Variants in AP1S3 observed in about 807,000 individuals in gnomAD.
The protein encoded by AP1S3 is AP-1 complex subunit sigma-3.
A neutral mutation model predicts 20.9 loss-of-function variants in AP1S3; 10 were observed. The ratio of observed to expected loss-of-function variants is 0.48; its 90% CI spans 0.29 to 0.81. The LOEUF (loss-of-function observed/expected upper bound fraction) is 0.81, where lower values mean the gene tolerates loss of function less well. AP1S3 is among the 30% of genes least tolerant of loss of function. The pLI is 0.08. For missense variants in AP1S3, 154 were observed against 183.8 expected, an observed-to-expected ratio of 0.84 and a Z score of 0.94; for synonymous variants, 41 against 61.5, an observed-to-expected ratio of 0.67 and a Z score of 1.56.
Position 223,758,107 on chromosome 2 carries a change from T to C in AP1S3, c.*608A>G, listed in dbSNP as rs1168656773. ...TAAGGCATCAAAAACACTTATTAAG[T>C]TCTATACTCTTTGGTTATTTTCATA... On this transcript the variant is annotated 3_prime_UTR_variant, in exon 5 of 5. Transcript: ENST00000396654. 1.0e-6 allele frequency: 1 copy of C among 983,686 alleles called. No homozygotes were observed. Among genetic ancestry groups the C allele is most frequent in the East Asian group, 1.1e-4 (1 of 8,802 alleles). 60.9% of individuals were successfully genotyped at this position (983,686 alleles called of 1,614,324 possible).
intron 1 of AP1S3, among the ~76,000 whole-genome samples, chr2:223,787,996 A>G (rs6436433): frequency 0.12 from 17,967 of 151,976 alleles, 1,358 homozygotes; most frequent in East Asian, 0.25. Context: ...TCACTCTGTC[A>G]TCCAGGCTGG....
Position 223,756,598 on chromosome 2 carries a change from T to C in AP1S3, c.*2117A>G. On this transcript the variant is annotated 3_prime_UTR_variant, in exon 5 of 5. Coordinates refer to ENST00000396654, the MANE Select transcript of AP1S3 (RefSeq NM_001039569.2). ...GATAAACTTCAAGCTGATGCCATAA[T>C]TGTAATTACATGGTAACCTGAAGAA... is the stretch of plus-strand genomic sequence containing the variant. 3 of 985,390 alleles carry C rather than the reference T, an allele frequency of 3.0e-6. No individual in the cohort carries two copies. The highest frequency in any genetic ancestry group is 3.6e-6 in the Non-Finnish European group (3 of 829,886). The allele number at this position is 985,390 out of a possible 1,614,324, so 61.0% of individuals were successfully genotyped here.
intron 1 of AP1S3, among the ~76,000 whole-genome samples, chr2:223,812,286 A>G (rs1384518721): frequency 1.3e-5 from 2 of 152,130 alleles, no homozygotes; most frequent in African/African-American, 4.8e-5. Context: ...CAGTGGTGCA[A>G]TCTCAGCTCA....
In AP1S3 at chr2:223,832,115, T is replaced by G; in HGVS notation, c.3+5333A>C. 3.4e-5 allele frequency among the ~76,000 whole-genome samples: 5 copies of G among 147,502 alleles called. 1 individual carries two copies. Among genetic ancestry groups the G allele is most frequent in the South Asian group, 4.3e-4 (2 of 4,628 alleles). On this transcript the variant is annotated intron_variant, in intron 1 of 4. Transcript: ENST00000396654. ...TCAAAAAAAGGACTTATTCTGGGGA[T>G]TATTAAAGGAGTTTTCTCTCTGTGT...
At chr2:223,789,372 C>T (rs1301369687) in intron 1 of AP1S3, among the ~76,000 whole-genome samples, 3 of 151,870 alleles carry the variant, frequency 2.0e-5, no homozygotes, top group Non-Finnish European at 4.4e-5. Context: ...AACTGGACCC[C>T]CCCCAAAAAA....
At chr2:223,798,496 T>A (rs535077873) in intron 1 of AP1S3, among the ~76,000 whole-genome samples, 1 of 152,364 alleles carries the variant, frequency 6.6e-6, no homozygotes, top group East Asian at 1.9e-4. Flanking sequence ...ACAAGTAACC[T>A]GCAGAATAAA....
In AP1S3 at chr2:223,773,396, T is replaced by C. The variant is rs940264342; in HGVS notation, c.291+2505A>G. 1.5e-5 allele frequency: 20 copies of C among 1,296,824 alleles called. No homozygotes were observed. In the African/African-American group the frequency reaches 2.9e-4, roughly 19 times the overall value. The allele number at this position is 1,296,824 out of a possible 1,614,324, so 80.3% of individuals were successfully genotyped here. A position where few individuals can be genotyped will look rare whatever the true frequency, so the allele number is the denominator to read the frequency against. On this transcript the variant is annotated intron_variant, in intron 3 of 4. Coordinates refer to ENST00000396654, the MANE Select transcript of AP1S3 (RefSeq NM_001039569.2). The stretch of plus-strand genomic sequence containing the variant: ...AAAGTACAAAAATGTGAGAATTCAT[T>C]TGAATAGTAGAAAGTATTAAATAAT...
At chr2:223,762,672 C>T (rs753365139) in intron 4 of AP1S3, among the ~76,000 whole-genome samples, 12 of 152,172 alleles carry the variant, frequency 7.9e-5, no homozygotes, top group Admixed American at 2.0e-4. Context: ...CCTTTCTTTT[C>T]CTCTTATCAA....
At chr2:223,801,379 C>T (rs1047231753) in intron 1 of AP1S3, among the ~76,000 whole-genome samples, 5 of 152,212 alleles carry the variant, frequency 3.3e-5, no homozygotes, top group African/African-American at 9.6e-5. Flanking sequence ...AAGAGATATA[C>T]GCTGGCACCA....
At chr2:223,836,759 A>C (rs573256719) in intron 1 of AP1S3, among the ~76,000 whole-genome samples, 1 of 152,290 alleles carries the variant, frequency 6.6e-6, no homozygotes, top group South Asian at 2.1e-4. Context: ...GGGTAAGGTC[A>C]GTTTTCTTGC....
At chr2:223,800,564 C>T (rs891786632) in intron 1 of AP1S3, among the ~76,000 whole-genome samples, 3 of 151,852 alleles carry the variant, frequency 2.0e-5, no homozygotes, top group African/African-American at 7.3e-5. Flanking sequence ...ATTTATCACA[C>T]CAACAGGCTA....
chr2:223,788,808 A>T lies in AP1S3; in HGVS notation c.4-10939T>A, dbSNP rs147006433. Reference sequence around the variant, plus strand: ...AAGAAGAAGAAGAAGAGATATTTGCAGATGCCTGCCACCCTCCTGGATCCT... The same window carrying T: ...AAGAAGAAGAAGAAGAGATATTTGCTGATGCCTGCCACCCTCCTGGATCCT... On this transcript the variant is annotated intron_variant, in intron 1 of 4. Transcript: ENST00000396654. Among the ~76,000 whole-genome samples the T allele has an allele frequency of 9.2e-5, 14 of 151,854 alleles. No individual in the cohort carries two copies. The East Asian group carries it at 2.7e-3, about 29-fold the overall frequency.
intron 1 of AP1S3, among the ~76,000 whole-genome samples, chr2:223,810,739 CA>C (rs55748427): frequency 0.66 from 99,062 of 150,682 alleles, 34,496 homozygotes; most frequent in African/African-American, 0.91. Context: ...TGTCCCACTT[CA>C]AAAAAAAAAT....
At chr2:223,791,881 T>C (rs1036032738) in intron 1 of AP1S3, among the ~76,000 whole-genome samples, 1 of 151,966 alleles carries the variant, frequency 6.6e-6, no homozygotes, top group Non-Finnish European at 1.5e-5. Context: ...CTGTTGTTGG[T>C]GAACAACAGG....
At chr2:223,833,227 C>T (rs759523696) in intron 1 of AP1S3, among the ~76,000 whole-genome samples, 1 of 136,700 alleles carries the variant, frequency 7.3e-6, no homozygotes, top group African/African-American at 2.9e-5. Flanking sequence ...CCACAGCTAT[C>T]TTGTTAAAGG....
At chr2:223,807,875 T>TC (rs1691623986) in intron 1 of AP1S3, among the ~76,000 whole-genome samples, 1 of 126,040 alleles carries the variant, frequency 7.9e-6, no homozygotes, top group African/African-American at 3.1e-5. Flanking sequence ...TTCTTTTTTT[T>TC]TTTTTTTTTT....
chr2:223,825,207 T>G (rs570715049), intron 1 of AP1S3, among the ~76,000 whole-genome samples: 53 of 151,368 alleles, frequency 3.5e-4, no homozygotes, highest in Non-Finnish European at 6.0e-4. Flanking sequence ...CAGCTACTCC[T>G]GAGGCTGAGA....
intron 1 of AP1S3, among the ~76,000 whole-genome samples, chr2:223,834,708 G>A (rs1342747322): frequency 6.6e-6 from 1 of 151,916 alleles, no homozygotes; most frequent in East Asian, 1.9e-4. Flanking sequence ...TGTGAGCTGT[G>A]ATCACACCAC....
At chr2:223,796,897 C>T (rs1691350620) in intron 1 of AP1S3, among the ~76,000 whole-genome samples, 1 of 152,210 alleles carries the variant, frequency 6.6e-6, no homozygotes, top group East Asian at 1.9e-4. Context: ...CTCCTGACCT[C>T]AGGTGATCCA....
Sources: allele counts gnomAD v4.1 joint callset (sites outside exome capture counted in the v4.1 genomes callset), GRCh38; gene constraint gnomAD v4.1.1; transcripts MANE v1.5; gene names NCBI Gene and HGNC (gene_info 2026-07-23, HGNC 2026-07-21).